The following C9orf85 variants were observed in gnomAD, a reference collection of about 807,000 sequenced individuals.
C9orf85 encodes the protein chromosome 9 open reading frame 85.
In C9orf85, 16 loss-of-function variants were observed where a neutral mutation model predicts 14.9. The observed-to-expected ratio is 1.08, with a 90% CI of 0.73 to 1.63. The LOEUF (loss-of-function observed/expected upper bound fraction) is 1.63, where lower values mean the gene tolerates loss of function less well. Ranked by LOEUF, C9orf85 falls within the 40% of genes most tolerant of loss-of-function variation. The probability of loss-of-function intolerance (pLI) is 0.00; values close to 1 mark genes in which losing one functional copy is unlikely to be tolerated. For missense variants in C9orf85, 172 were observed against 186.1 expected, an observed-to-expected ratio of 0.92 and a Z score of 0.44; for synonymous variants, 45 against 56.8, an observed-to-expected ratio of 0.79 and a Z score of 0.93.
At chr9:71,977,539 T>C (rs1823027744), downstream of C9orf85, among the ~76,000 whole-genome samples, 1 of 152,252 alleles carries the variant, frequency 6.6e-6, no homozygotes, top group African/African-American at 2.4e-5. Context: ...ATTATACATT[T>C]ATAATGTAAA....
intron 2 of C9orf85, among the ~76,000 whole-genome samples, chr9:71,954,568 T>A (rs1822336812): frequency 6.6e-6 from 1 of 152,148 alleles, no homozygotes; most frequent in Non-Finnish European, 1.5e-5. Context: ...TGTCTTTGCT[T>A]TTTAGACCAT....
intron 2 of C9orf85, among the ~76,000 whole-genome samples, chr9:71,967,013 A>G (rs892041652): frequency 6.6e-6 from 1 of 152,150 alleles, no homozygotes. Context: ...ATACTTAATA[A>G]GTTTTGTGCC....
At chr9:71,966,183 T>C (rs56405200) in intron 2 of C9orf85, among the ~76,000 whole-genome samples, 17,486 of 152,222 alleles carry the variant, frequency 0.11, 1,140 homozygotes, top group Middle Eastern at 0.15. Context: ...ACTTTACTTT[T>C]TTTGTCTATA....
intron 2 of C9orf85, among the ~76,000 whole-genome samples, chr9:71,955,613 C>T (rs1458727733): frequency 6.6e-6 from 1 of 152,156 alleles, no homozygotes; most frequent in Admixed American, 6.5e-5. Context: ...GTTACTGTTA[C>T]AATAGTAGGT....
chr9:71,965,683 T>C (rs544725880), intron 2 of C9orf85, among the ~76,000 whole-genome samples: 1 of 152,322 alleles, frequency 6.6e-6, no homozygotes, highest in Admixed American at 6.5e-5. Flanking sequence ...TTCTCCTGCC[T>C]GGGCCTCCCA....
At chr9:71,913,748 A>G (rs1309668958) in intron 1 of C9orf85, among the ~76,000 whole-genome samples, 4 of 152,212 alleles carry the variant, frequency 2.6e-5, no homozygotes, top group African/African-American at 9.6e-5. Flanking sequence ...GTATTTAACT[A>G]TAGTGTAGCT....
At chr9:71,923,781 A>C (rs1490047452) in intron 1 of C9orf85, among the ~76,000 whole-genome samples, 2 of 152,110 alleles carry the variant, frequency 1.3e-5, no homozygotes, top group African/African-American at 4.8e-5. Flanking sequence ...CGTAGATGAA[A>C]CTATCCCTGA....
intron 1 of C9orf85, among the ~76,000 whole-genome samples, chr9:71,945,619 G>A (rs1049312062): frequency 3.3e-5 from 5 of 152,108 alleles, no homozygotes; most frequent in African/African-American, 1.2e-4. Context: ...TTTTCTCATT[G>A]AATAAATGTT....
intron 2 of C9orf85, among the ~76,000 whole-genome samples, chr9:71,948,721 A>G (rs1822165239): frequency 6.7e-6 from 1 of 150,180 alleles, no homozygotes; most frequent in African/African-American, 2.5e-5. Context: ...ACAAGATTTC[A>G]CTGTGCTGGC....
rs138107879 is a variant in C9orf85, at chr9:71,954,549, G to T, written c.209+7437G>T. 8.2e-3 allele frequency among the ~76,000 whole-genome samples: 1,244 copies of T among 152,238 alleles called. 20 individuals carry two copies. Among genetic ancestry groups the T allele is most frequent in the African/African-American group, 0.028 (1,143 of 41,534 alleles). On this transcript the variant is annotated intron_variant, in intron 2 of 3. Transcript: ENST00000334731. ...TTGATGATATGCTAAACAAGGGGTG[G>T]ATTATTCATGTCTTTGCTTTTTAGA...
chr9:71,958,711 AC>A, intron 2 of C9orf85, among the ~76,000 whole-genome samples: 1 of 152,072 alleles, frequency 6.6e-6, no homozygotes, highest in East Asian at 1.9e-4. Context: ...ATGCAGTCAT[AC>A]CCCCTCCCCT....
chr9:71,921,697 A>G (rs1827811379), intron 1 of C9orf85, among the ~76,000 whole-genome samples: 1 of 152,198 alleles, frequency 6.6e-6, no homozygotes. Context: ...ATAAACCTCT[A>G]AATTGATTGA....
downstream of C9orf85, among the ~76,000 whole-genome samples, chr9:71,973,751 C>G (rs1253450191): frequency 6.6e-6 from 1 of 151,844 alleles, no homozygotes; most frequent in Non-Finnish European, 1.5e-5. Flanking sequence ...GTTCATCTTT[C>G]TTCCCATAGT....
chr9:71,929,384 T>C (rs1828016279), intron 1 of C9orf85, among the ~76,000 whole-genome samples: 1 of 152,210 alleles, frequency 6.6e-6, no homozygotes, highest in African/African-American at 2.4e-5. Context: ...AATGAGTGCT[T>C]ATAAAAACAT....
intron 1 of C9orf85, 75 bp from the exon 2 acceptor site, chr9:71,946,931 A>C: frequency 1.1e-6 from 1 of 946,152 alleles, no homozygotes; most frequent in East Asian, 2.6e-5. Flanking sequence ...CTTACATCTC[A>C]TACACTCTTT....
downstream of C9orf85, chr9:71,984,230 A>T (rs191903175): frequency 6.6e-6 from 1 of 152,326 alleles, no homozygotes; most frequent in Admixed American, 6.5e-5. Context: ...CATAGCAGAC[A>T]GTCCTTAAGT....
At chr9:71,930,972 G>C (rs1828058540) in intron 1 of C9orf85, among the ~76,000 whole-genome samples, 1 of 152,172 alleles carries the variant, frequency 6.6e-6, no homozygotes, top group Admixed American at 6.5e-5. Flanking sequence ...GAGTGAGGAA[G>C]AAGGAATAGT....
At chr9:71,981,510 T>C (rs1823095759) in intron 3 of C9orf85, among the ~76,000 whole-genome samples, 1 of 152,244 alleles carries the variant, frequency 6.6e-6, no homozygotes, top group South Asian at 2.1e-4. Context: ...GAGTTTCAAC[T>C]CAGGAGTCAC....
chr9:71,952,508 A>G (rs926186957), intron 2 of C9orf85, among the ~76,000 whole-genome samples: 7 of 151,910 alleles, frequency 4.6e-5, no homozygotes, highest in South Asian at 2.1e-4. Context: ...GGGACTACAG[A>G]CGCCCACCAC....
Sources: allele counts gnomAD v4.1 joint callset (sites outside exome capture counted in the v4.1 genomes callset), GRCh38; gene constraint gnomAD v4.1.1; transcripts MANE v1.5; gene names NCBI Gene and HGNC (gene_info 2026-07-23, HGNC 2026-07-21).